The following MAP3K12 variants were observed in gnomAD, a reference collection of about 807,000 sequenced individuals.
MAP3K12 encodes the protein MAPK-upstream kinase.
A neutral mutation model predicts 87.5 loss-of-function variants in MAP3K12; 14 were observed. That is an observed-to-expected ratio of 0.16 (90% confidence interval 0.11 to 0.25). The LOEUF (loss-of-function observed/expected upper bound fraction) is 0.25, where lower values mean the gene tolerates loss of function less well. Among genes scored for constraint, MAP3K12 ranks in the 10% least tolerant of loss-of-function variants. The pLI, the probability that MAP3K12 is intolerant of heterozygous loss-of-function variation, is 1.00. For missense variants in MAP3K12, 802 were observed against 1,140.4 expected (o/e 0.70, Z 4.27); for synonymous variants, 469 against 452.5 (o/e 1.04, Z -0.46).
rs973734425 is a variant in MAP3K12 at position 53,487,415 on chromosome 12, G to A, written c.-24C>T. ...ATCGCCTCTGGCCCCTGGTATGATG[G>A]TGAACACTGGGCCCTGTGGGAATGA... On this transcript the variant is annotated 5_prime_UTR_variant, in exon 2 of 14. Coordinates refer to ENST00000547488, the MANE Select transcript of MAP3K12 (RefSeq NM_001193511.2). 6.3e-7 allele frequency: 1 copy of A among 1,589,144 alleles called. No individual in the cohort carries two copies. Among genetic ancestry groups the A allele is most frequent in the African/African-American group, 1.3e-5 (1 of 74,118 alleles).
intron 6 of MAP3K12, 24 bp downstream of exon 6, chr12:53,485,032 T>C (rs777063977): frequency 1.6e-5 from 26 of 1,613,862 alleles, no homozygotes; most frequent in African/African-American, 8.0e-5. Context: ...CCAGGCCCAG[T>C]ATCCCAGCCC....
rs1222470396 is a variant in MAP3K12 at position 53,482,910 on chromosome 12, A to T, written c.1893T>A (p.His631Gln). The change falls in exon 11 of 14, where the codon CAT (histidine) becomes CAA (glutamine). Residue 631 changes from histidine to glutamine, a missense_variant. His to Gln is a conservative substitution (Grantham distance 24). This residue lies in a region of MAP3K12 where 490 missense variants were observed against 496.6 expected (regional missense o/e 0.99). Transcript: ENST00000547488. ...ACATTTTGCGGAGCAGGAGGTCATGATGAAGCCCACGGAGGGCGGGAGGGC... is the reference window on the plus strand; with the variant it reads ...ACATTTTGCGGAGCAGGAGGTCATGTTGAAGCCCACGGAGGGCGGGAGGGC... ...EACPPALRGL[H>Q]HDLLLRKMSS... is the part of the protein sequence containing the mutation. The T allele has an allele frequency of 6.2e-7, 1 of 1,610,468 alleles. No homozygotes were observed. The highest frequency in any genetic ancestry group is 8.5e-7 in the Non-Finnish European group (1 of 1,179,818).
At chr12:53,495,712 T>TCAGGATCCGCAGTCCTGGCCC (rs1325451572) in intron 1 of MAP3K12, among the ~76,000 whole-genome samples, 1 of 152,104 alleles carries the variant, frequency 6.6e-6, no homozygotes, top group Non-Finnish European at 1.5e-5. Flanking sequence ...TTTCCATTTT[T>TCAGGATCCGCAGTCCTGGCCC]CAGGATCCGC....
At chr12:53,484,052 C>T (rs1471933471) in intron 7 of MAP3K12, 32 bp from the exon 8 acceptor site, 2 of 1,597,730 alleles carry the variant, frequency 1.3e-6, no homozygotes, top group Non-Finnish European at 8.6e-7. Flanking sequence ...AGAGTGAGAG[C>T]CATCCCTTCA....
Position 53,481,259 on chromosome 12 carries a change from A to G in MAP3K12, c.2602T>C (p.Ser868Pro). 1 of 1,564,778 alleles carries G rather than the reference A, an allele frequency of 6.4e-7. No homozygotes were observed. The highest frequency in any genetic ancestry group is 8.6e-7 in the Non-Finnish European group (1 of 1,156,088). The change falls in exon 14 of 14, where the codon TCA (serine) becomes CCA (proline). Residue 868 changes from serine (S) to proline (P), a missense_variant. Physicochemically the swap from Ser to Pro is moderately conservative, Grantham distance 74 (BLOSUM62 -1). This residue lies in a region of MAP3K12 where 490 missense variants were observed against 496.6 expected (regional missense o/e 0.99). Transcript: ENST00000547488. ...TCCAATTCAGTGCTGTCACAGTCTG[A>G]GTCCTCAGAATTGGGAGGGCCCTGT... ...RERGPPNSED[S>P]DCDSTELDNS...
chr12:53,488,550 A>G (rs138214248), intron 1 of MAP3K12, among the ~76,000 whole-genome samples: 1,605 of 152,296 alleles, frequency 0.011, 18 homozygotes, highest in African/African-American at 0.037. Flanking sequence ...AATCCCAGCT[A>G]CTTGGGAGGC....
chr12:53,491,287 C>CAAAAAAAAAAAAAAAAAAA (rs780256956), intron 1 of MAP3K12, among the ~76,000 whole-genome samples: 10 of 52,854 alleles, frequency 1.9e-4, no homozygotes, highest in Admixed American at 3.0e-4. Context: ...GACTCTGTCT[C>CAAAAAAAAAAAAAAAAAAA]AAAAAAAAAA....
rs756860062 is a variant in MAP3K12, at chr12:53,486,151, G to A, written c.726C>T (p.Thr242=). 2 of 1,614,068 alleles carry A rather than the reference G, an allele frequency of 1.2e-6. No individual in the cohort carries two copies. The highest frequency in any genetic ancestry group is 1.7e-5 in the Admixed American group (1 of 60,004). Residue 242 remains threonine, a synonymous_variant, in exon 4 of 14, where the codon ACC becomes ACT. Coordinates refer to ENST00000547488, the MANE Select transcript of MAP3K12 (RefSeq NM_001193511.2). This position sits in a 1 kb window ranked among gnomAD's most constrained non-coding sequence, Gnocchi z 4.9. ...YEVLRAGRPV[T]PSLLVDWSMG... ...TGGACCAGTCAACCAGTAAGGAGGG[G>A]GTGACAGGGCGGCCAGCCCGCAGTA...
At chr12:53,501,391 G>A (rs1203020828), upstream of MAP3K12, 2 of 1,558,434 alleles carry the variant, frequency 1.3e-6, no homozygotes, top group South Asian at 1.2e-5. Context: ...GGTGGCGCCC[G>A]CGGGGACGGA....
Position 53,486,817 on chromosome 12 carries a change from G to T in MAP3K12, c.445+130C>A. ...AAAAGAAGCTGGGAAGTTAGAGGCT[G>T]ATGGATGGCTAAGGGACTAGGGCTG... On this transcript the variant is annotated intron_variant, in intron 2 of 13. Transcript: ENST00000547488. The surrounding 1 kb of genome is among the most constrained non-coding windows in gnomAD (Gnocchi z 4.9). 6.6e-7 allele frequency: 1 copy of T among 1,512,042 alleles called. No homozygotes were observed. Among genetic ancestry groups the T allele is most frequent in the East Asian group, 2.3e-5 (1 of 43,262 alleles). The allele number at this position is 1,512,042 out of a possible 1,614,324, so 93.7% of individuals were successfully genotyped here. A position where few individuals can be genotyped will look rare whatever the true frequency, so the allele number is the denominator to read the frequency against.
intron 1 of MAP3K12, among the ~76,000 whole-genome samples, chr12:53,495,030 A>G (rs978771562): frequency 1.1e-4 from 17 of 151,640 alleles, no homozygotes; most frequent in Admixed American, 1.3e-4. Context: ...ACAGGCACTC[A>G]CCACCACACC....
At chr12:53,494,733 C>T (rs932522945) in intron 1 of MAP3K12, among the ~76,000 whole-genome samples, 8 of 151,994 alleles carry the variant, frequency 5.3e-5, no homozygotes, top group Admixed American at 1.3e-4. Context: ...CCCTTTCTCT[C>T]GTGAGTGGGG....
Position 53,483,893 on chromosome 12 carries a change from C to G in MAP3K12, c.1358+18G>C. On this transcript the variant is annotated intron_variant, in intron 8 of 13. Coordinates refer to ENST00000547488, the MANE Select transcript of MAP3K12 (RefSeq NM_001193511.2). ...CCTTGCTGTTAGTAAAATCACCTCC[C>G]CAAGCACGGGAACTCACCTGAGCTC... 1 of 1,613,740 alleles carries G rather than the reference C, an allele frequency of 6.2e-7. No individual in the cohort carries two copies. The highest frequency in any genetic ancestry group is 8.5e-7 in the Non-Finnish European group (1 of 1,179,660).
chr12:53,499,687 C>T (rs1181826345), upstream of MAP3K12: 3 of 152,134 alleles, frequency 2.0e-5, no homozygotes, highest in Admixed American at 6.5e-5. Context: ...GCCCCCGCCC[C>T]TGGCCCCCCG....
chr12:53,487,554 T>C, intron 1 of MAP3K12, 126 bp from the exon 2 acceptor site: 1 of 913,624 alleles, frequency 1.1e-6, no homozygotes, highest in Non-Finnish European at 1.6e-6. Flanking sequence ...GTAACACTTG[T>C]GGCTCCGTTT....
upstream of MAP3K12, chr12:53,499,464 T>C (rs1192351640): frequency 7.5e-6 from 1 of 132,656 alleles, no homozygotes; most frequent in Admixed American, 8.9e-5. Flanking sequence ...AAGGCGGCGC[T>C]GCTGCAGCTC....
chr12:53,481,334 C>A, intron 13 of MAP3K12, 54 bp from the exon 14 acceptor site: 1 of 1,017,974 alleles, frequency 9.8e-7, no homozygotes, highest in South Asian at 2.0e-5. Flanking sequence ...TTGCTGGGGT[C>A]ATTTTAATAG....
intron 1 of MAP3K12, among the ~76,000 whole-genome samples, chr12:53,496,873 C>G (rs1943557970): frequency 6.6e-6 from 1 of 152,184 alleles, no homozygotes; most frequent in Non-Finnish European, 1.5e-5. Context: ...ACACAGGCCT[C>G]AAAATCAGAG....
chr12:53,483,356 T>C lies in MAP3K12; in HGVS notation c.1606A>G (p.Ser536Gly). The C allele has an allele frequency of 1.2e-6, 2 of 1,614,100 alleles. No individual in the cohort carries two copies. Among genetic ancestry groups the C allele is most frequent in the Non-Finnish European group, 1.7e-6 (2 of 1,179,982 alleles). Residue 536 changes from serine to glycine, a missense_variant, in exon 10 of 14, where the codon AGC becomes GGC. Ser to Gly is a moderately conservative substitution (Grantham distance 56, BLOSUM62 0). Transcript: ENST00000547488. ...RNVPQKLSPH[S>G]KRPDILKTES... Reference sequence around the variant, plus strand: ...ACAGTACTCATGTCCCACCTTTTGCTATGGGGTGACAGCTTCTGTGGCACA... The same window carrying C: ...ACAGTACTCATGTCCCACCTTTTGCCATGGGGTGACAGCTTCTGTGGCACA...
Sources: allele counts gnomAD v4.1 joint callset (sites outside exome capture counted in the v4.1 genomes callset), GRCh38; gene constraint gnomAD v4.1.1; regional missense constraint gnomAD v4.1.1; non-coding constraint Gnocchi (gnomAD v3.1); transcripts MANE v1.5; gene names NCBI Gene and HGNC (gene_info 2026-07-23, HGNC 2026-07-21).